The following ARMH3 variants were observed in gnomAD, a reference collection of about 807,000 sequenced individuals.
The protein encoded by ARMH3 is armadillo like helical domain containing 3, also known as armadillo-like helical domain-containing protein 3.
ARMH3 carries 60 observed loss-of-function variants against 99.1 expected under a neutral mutation model. That is an observed-to-expected ratio of 0.61 (90% CI 0.49 to 0.75). ARMH3 has a LOEUF of 0.75. Among genes scored for constraint, ARMH3 ranks in the 30% least tolerant of loss-of-function variants. The probability of loss-of-function intolerance (pLI) is 0.00; values close to 1 mark genes in which losing one functional copy is unlikely to be tolerated. For synonymous variants in ARMH3, 285 were observed against 292.8 expected, an observed-to-expected ratio of 0.97 and a Z score of 0.27; for missense variants, 679 against 843.1, an observed-to-expected ratio of 0.81 and a Z score of 2.41.
At chr10:102,038,341 A>G (rs1018457956) in intron 2 of ARMH3, among the ~76,000 whole-genome samples, 10 of 151,804 alleles carry the variant, frequency 6.6e-5, no homozygotes, top group African/African-American at 1.9e-4. Context: ...TGATCCGCCC[A>G]CCTCGGCCTC....
intron 5 of ARMH3, among the ~76,000 whole-genome samples, chr10:102,029,293 A>C (rs1350528752): frequency 6.6e-6 from 1 of 152,258 alleles, no homozygotes; most frequent in Non-Finnish European, 1.5e-5. Context: ...AATTGTGTTA[A>C]ATAAGCTTAA....
intron 24 of ARMH3, among the ~76,000 whole-genome samples, chr10:101,862,778 C>T (rs1297340363): frequency 2.0e-5 from 3 of 150,888 alleles, no homozygotes; most frequent in Non-Finnish European, 2.9e-5. Flanking sequence ...ATGGGAAAAA[C>T]GGGGGAAAGC....
At chr10:101,959,295 C>T (rs1479143667) in intron 20 of ARMH3, among the ~76,000 whole-genome samples, 1 of 152,208 alleles carries the variant, frequency 6.6e-6, no homozygotes, top group African/African-American at 2.4e-5. Context: ...AAGAAGATCA[C>T]CTTGCTGAGT....
intron 2 of ARMH3, among the ~76,000 whole-genome samples, chr10:102,034,674 A>T (rs1228013105): frequency 6.6e-6 from 1 of 151,964 alleles, no homozygotes; most frequent in Non-Finnish European, 1.5e-5. Context: ...CCTACTTTAA[A>T]GAAAGGGGAA....
chr10:101,940,943 A>C (rs553607251), intron 22 of ARMH3, among the ~76,000 whole-genome samples: 63 of 152,216 alleles, frequency 4.1e-4, no homozygotes, highest in Non-Finnish European at 7.1e-4. Flanking sequence ...TAGGCACTCT[A>C]AGTGTATGTT....
intron 11 of ARMH3, 144 bp from the exon 12 acceptor site, chr10:102,010,167 CA>C: frequency 1.6e-6 from 1 of 618,938 alleles, no homozygotes. Context: ...TCACACACAC[CA>C]AAACCAGCCC....
intron 2 of ARMH3, among the ~76,000 whole-genome samples, chr10:102,034,994 T>C (rs2067216868): frequency 6.6e-6 from 1 of 152,172 alleles, no homozygotes; most frequent in Non-Finnish European, 1.5e-5. Flanking sequence ...GTCAGCATTT[T>C]GTAGGGCTGA....
intron 24 of ARMH3, among the ~76,000 whole-genome samples, chr10:101,851,843 G>C (rs970024205): frequency 2.0e-5 from 3 of 152,290 alleles, no homozygotes; most frequent in Middle Eastern, 3.4e-3. Context: ...CTGTAGTATA[G>C]GCTGGTTCCT....
intron 20 of ARMH3, among the ~76,000 whole-genome samples, chr10:101,961,372 G>C (rs1564797098): frequency 6.6e-6 from 1 of 151,566 alleles, no homozygotes; most frequent in Non-Finnish European, 1.5e-5. Flanking sequence ...AGTCAGTGTT[G>C]CCTTCTTCAA....
intron 23 of ARMH3, among the ~76,000 whole-genome samples, chr10:101,908,822 C>G (rs1842748822): frequency 6.6e-6 from 1 of 151,780 alleles, no homozygotes; most frequent in East Asian, 1.9e-4. Context: ...CACCACGTCA[C>G]CCGGCTAATT....
At chr10:101,968,606 C>A (rs947505236) in intron 20 of ARMH3, among the ~76,000 whole-genome samples, 1 of 152,168 alleles carries the variant, frequency 6.6e-6, no homozygotes, top group Non-Finnish European at 1.5e-5. Context: ...TGACTGCATG[C>A]ACAGAGAAAA....
chr10:101,931,034 C>T (rs1843698845), intron 23 of ARMH3, among the ~76,000 whole-genome samples: 1 of 152,134 alleles, frequency 6.6e-6, no homozygotes, highest in Non-Finnish European at 1.5e-5. Context: ...ACTCAGACAA[C>T]CTGACTCTAG....
rs1460692371 is a variant in ARMH3 at position 101,931,200 on chromosome 10, CAAGTT to C, written c.1781+8658_1781+8662del. ...GTTAAGTTCCAAATTCAGCCTGACT[CAAGTT>C]AAGAAATCTGAGCTGTAGTTATCTC... On this transcript the variant is annotated intron_variant, in intron 23 of 25. Transcript: ENST00000370033. Among the ~76,000 whole-genome samples, 7 of 152,288 alleles carry C rather than the reference CAAGTT, an allele frequency of 4.6e-5. No homozygotes were observed. The East Asian group carries it at 1.3e-3, about 29-fold the overall frequency.
chr10:101,962,743 GAGA>G (rs1368967630), intron 20 of ARMH3, among the ~76,000 whole-genome samples: 5 of 152,124 alleles, frequency 3.3e-5, no homozygotes, highest in Non-Finnish European at 4.4e-5. Context: ...TCATGCTGGG[GAGA>G]AGAAGGTCTC....
At chr10:101,889,590 G>T (rs527771753) in intron 23 of ARMH3, 100 bp from the exon 24 acceptor site, 2 of 1,074,340 alleles carry the variant, frequency 1.9e-6, no homozygotes, top group Non-Finnish European at 2.9e-6. Context: ...GAGTACTAGA[G>T]CATGGGACCG....
chr10:102,041,712 G>A (rs1217650668), intron 1 of ARMH3, among the ~76,000 whole-genome samples: 5 of 151,372 alleles, frequency 3.3e-5, no homozygotes, highest in Admixed American at 1.3e-4. Flanking sequence ...GTACAATGGC[G>A]TGATCTCAGC....
rs79921780 is a variant in ARMH3 at position 101,903,604 on chromosome 10, G to C, written c.1782-14114C>G. The stretch of plus-strand genomic sequence containing the variant: ...TTTATAATTAGGCAAGGAAAGGTGA[G>C]AATGTGTGGGCACATTTTCTTACAG... On this transcript the variant is annotated intron_variant, in intron 23 of 25. Transcript: ENST00000370033. Among the ~76,000 whole-genome samples, 1,092 of 152,316 alleles carry C rather than the reference G, an allele frequency of 7.2e-3. 13 individuals carry two copies. The highest frequency in any genetic ancestry group is 0.027 in the Middle Eastern group (8 of 294).
At chr10:102,048,461 G>T (rs1408635648) in intron 1 of ARMH3, among the ~76,000 whole-genome samples, 2 of 152,132 alleles carry the variant, frequency 1.3e-5, no homozygotes, top group Non-Finnish European at 2.9e-5. Flanking sequence ...GTGTCTCACT[G>T]TGTCGCCCAG....
chr10:101,926,973 A>G (rs1410123142), intron 23 of ARMH3, among the ~76,000 whole-genome samples: 5 of 152,090 alleles, frequency 3.3e-5, no homozygotes, highest in Admixed American at 6.6e-5. Flanking sequence ...GCCCCTTCTC[A>G]TCCCTATGAC....
Sources: allele counts gnomAD v4.1 joint callset (sites outside exome capture counted in the v4.1 genomes callset), GRCh38; gene constraint gnomAD v4.1.1; transcripts MANE v1.5; gene names NCBI Gene and HGNC (gene_info 2026-07-23, HGNC 2026-07-21).